SH3TC1: variants seen among roughly 807,000 people sequenced by gnomAD.
The protein encoded by SH3TC1 is SH3 domain and tetratricopeptide repeat-containing protein 1.
A neutral mutation model predicts 117.3 loss-of-function variants in SH3TC1; 135 were observed. That is an observed-to-expected ratio of 1.15 (90% CI 1.00 to 1.33). SH3TC1 has a LOEUF of 1.33. Among genes scored for constraint, SH3TC1 ranks in the 40% most tolerant of loss-of-function variants. The probability of loss-of-function intolerance (pLI) is 0.00; values close to 1 mark genes in which losing one functional copy is unlikely to be tolerated. For synonymous variants in SH3TC1, 898 were observed against 816.9 expected (o/e 1.10, Z -1.69); for missense variants, 2,092 against 1,794.3 (o/e 1.17, Z -3.00).
At chr4:8,184,337 C>T (rs1051718577) in intron 1 of SH3TC1, among the ~76,000 whole-genome samples, 9 of 152,196 alleles carry the variant, frequency 5.9e-5, no homozygotes, top group African/African-American at 1.4e-4. Context: ...TCTACATGTA[C>T]GGAAGTATCA....
intron 9 of SH3TC1, among the ~76,000 whole-genome samples, chr4:8,222,598 C>T (rs1419603093): frequency 6.6e-6 from 1 of 151,478 alleles, no homozygotes; most frequent in Non-Finnish European, 1.5e-5. Context: ...GGTCTTGAAC[C>T]CTTGACCTCA....
At position 8,227,591 on chromosome 4, in the gene SH3TC1, G is replaced by C. The variant is rs1355690091; in HGVS notation, c.1897G>C (p.Gly633Arg). The C allele has an allele frequency of 6.6e-7, 1 of 1,520,674 alleles. No individual in the cohort carries two copies. The highest frequency in any genetic ancestry group is 8.8e-7 in the Non-Finnish European group (1 of 1,137,008). The allele number at this position is 1,520,674 out of a possible 1,614,324, so 94.2% of individuals were successfully genotyped here. A position where few individuals can be genotyped will look rare whatever the true frequency, so the allele number is the denominator to read the frequency against. Residue 633 changes from glycine (G) to arginine (R), a missense_variant, in exon 12 of 18, where the codon GGG becomes CGG. Physicochemically the swap from Gly to Arg is moderately radical, Grantham distance 125. Transcript: ENST00000245105. Reference sequence around the variant, plus strand: ...GCCCAAAGCCATGGCCCTGCTCCTGGGGACGCCTGACCACATCTGCAGCAC... The same window carrying C: ...GCCCAAAGCCATGGCCCTGCTCCTGCGGACGCCTGACCACATCTGCAGCAC... The part of the protein sequence containing the change: ...VVPKAMALLL[G>R]TPDHICSTEA...
Position 8,227,020 on chromosome 4 carries a change from C to T in SH3TC1, c.1326C>T (p.Thr442=), listed in dbSNP as rs779023073. 15 of 1,572,068 alleles carry T rather than the reference C, an allele frequency of 9.5e-6. No individual in the cohort carries two copies. The South Asian group carries it at 1.5e-4, about 16-fold the overall frequency. ...PPCLSLEPQE[T]LQKVKNVLEQ... is the part of the protein sequence containing the mutation. Reference sequence around the variant, plus strand: ...GCCTGAGCCTGGAGCCACAGGAGACCTTGCAGAAGGTGAAGAATGTTCTGG... The same window carrying T: ...GCCTGAGCCTGGAGCCACAGGAGACTTTGCAGAAGGTGAAGAATGTTCTGG... The change falls in exon 12 of 18, where the codon ACC becomes ACT. Residue 442 remains threonine, a synonymous_variant. Transcript: ENST00000245105.
In SH3TC1 at chr4:8,186,943, CAAAAAA is replaced by C. The variant is rs542632113; in HGVS notation, c.-57+4746_-57+4751del. On this transcript the variant is annotated intron_variant, in intron 1 of 16. Transcript: ENST00000508641. The surrounding 1 kb of genome is among the most constrained non-coding windows in gnomAD (Gnocchi z 5.2). ...TGGGTGACAGGGCAAGACTACGTCT[CAAAAAA>C]AAAAAAAAAAAAGGACATGCTCCTG... 1.1e-5 allele frequency among the ~76,000 whole-genome samples: 1 copy of C among 88,234 alleles called. No individual in the cohort carries two copies. 57.9% of individuals were successfully genotyped at this position (88,234 alleles called of 152,430 possible).
chr4:8,193,646 A>G (rs1292713841), intron 1 of SH3TC1, among the ~76,000 whole-genome samples: 1 of 152,112 alleles, frequency 6.6e-6, no homozygotes, highest in Non-Finnish European at 1.5e-5. Context: ...CTTGTCTGTA[A>G]GCTCCTCCTG....
intron 1 of SH3TC1, among the ~76,000 whole-genome samples, chr4:8,191,182 T>C (rs1259614638): frequency 1.3e-5 from 2 of 152,232 alleles, no homozygotes; most frequent in Non-Finnish European, 2.9e-5. Context: ...CTCAGGCACC[T>C]GGTCAGCAGG....
intron 1 of SH3TC1, among the ~76,000 whole-genome samples, chr4:8,200,917 G>A (rs774202078): frequency 3.9e-5 from 6 of 152,170 alleles, no homozygotes; most frequent in South Asian, 2.1e-4. Context: ...AGGACACCAC[G>A]CACTGGATTT....
intron 1 of SH3TC1, among the ~76,000 whole-genome samples, chr4:8,185,619 C>T (rs750818389): frequency 6.6e-6 from 1 of 152,214 alleles, no homozygotes; most frequent in Non-Finnish European, 1.5e-5. Context: ...CTGCTTAATA[C>T]GTCTCAGGGA....
At position 8,192,495 on chromosome 4, in the gene SH3TC1, T is replaced by TATTTTATTTTATTTTATTTC. The variant is rs1554130840; in HGVS notation, c.-57+10289_-57+10290insTATTTTATTTTATTTCATTT. Reference sequence around the variant, plus strand: ...TATTTTATTTTATTTTATTTTATTTTATTTCATTTTATTTTTGAGATGGAG... The same window carrying TATTTTATTTTATTTTATTTC: ...TATTTTATTTTATTTTATTTTATTTTATTTTATTTTATTTTATTTCATTTCATTTTATTTTTGAGATGGAG... On this transcript the variant is annotated intron_variant, in intron 1 of 16. Coordinates refer to the SH3TC1 transcript ENST00000508641. The surrounding 1 kb of genome is among the most constrained non-coding windows in gnomAD (Gnocchi z 4.1). Among the ~76,000 whole-genome samples, 3 of 133,482 alleles carry TATTTTATTTTATTTTATTTC rather than the reference T, an allele frequency of 2.2e-5. No individual in the cohort carries two copies. The highest frequency in any genetic ancestry group is 8.3e-5 in the African/African-American group (3 of 35,932). 87.6% of individuals were successfully genotyped at this position (133,482 alleles called of 152,430 possible).
chr4:8,198,301 C>T (rs539403383), upstream of SH3TC1, among the ~76,000 whole-genome samples: 80 of 152,268 alleles, frequency 5.3e-4, 1 homozygote, highest in Admixed American at 4.4e-3. Flanking sequence ...AACTATTTGA[C>T]TTAGGGATTA....
chr4:8,232,721 G>A (rs1432510480), intron 13 of SH3TC1: 1 of 1,290,058 alleles, frequency 7.8e-7, no homozygotes, highest in Admixed American at 2.3e-5. Flanking sequence ...CAGTGACATT[G>A]CTGCACTCAC....
rs543184993 is a variant in SH3TC1 at position 8,212,558 on chromosome 4, C to T, written c.248-143C>T. ...GTGGGGCAAGGTTGAGATCTAAACC[C>T]GGGGCTTGGGCTCCCCAGGAGCTCA... On this transcript the variant is annotated intron_variant, in intron 3 of 17. Transcript: ENST00000245105. 5.3e-4 allele frequency: 608 copies of T among 1,142,728 alleles called. 2 individuals carry two copies. The African/African-American group carries it at 6.8e-3, about 13-fold the overall frequency. 70.8% of individuals were successfully genotyped at this position (1,142,728 alleles called of 1,614,324 possible). A position where few individuals can be genotyped will look rare whatever the true frequency, so the allele number is the denominator to read the frequency against.
intron 1 of SH3TC1, among the ~76,000 whole-genome samples, chr4:8,185,022 T>C (rs1188810478): frequency 6.6e-6 from 1 of 152,028 alleles, no homozygotes; most frequent in Non-Finnish European, 1.5e-5. Context: ...TTTGTTCTTT[T>C]TTTTTTTTTT....
chr4:8,183,099 G>C lies in SH3TC1; in HGVS notation c.-57+889G>C, dbSNP rs1717122108. The stretch of plus-strand genomic sequence containing the variant: ...CCCTGGCAAGGGGTGGGGCCTCTGT[G>C]AGCCTCAGTTTCTCAGCATGCCATC... On this transcript the variant is annotated intron_variant, in intron 1 of 16. Coordinates refer to the SH3TC1 transcript ENST00000508641. This position sits in a 1 kb window ranked among gnomAD's most constrained non-coding sequence, Gnocchi z 5.4. 6.6e-6 allele frequency among the ~76,000 whole-genome samples: 1 copy of C among 152,166 alleles called. No individual in the cohort carries two copies. The highest frequency in any genetic ancestry group is 1.5e-5 in the Non-Finnish European group (1 of 68,012).
chr4:8,217,482 A>C (rs983341035), intron 7 of SH3TC1, among the ~76,000 whole-genome samples: 4 of 152,236 alleles, frequency 2.6e-5, no homozygotes, highest in Non-Finnish European at 5.9e-5. Context: ...GCTACATAAA[A>C]CATGCGTATC....
chr4:8,184,147 T>C (rs1360983075), intron 1 of SH3TC1, among the ~76,000 whole-genome samples: 3 of 152,224 alleles, frequency 2.0e-5, no homozygotes, highest in African/African-American at 7.2e-5. Context: ...TATGCCTAGA[T>C]GCAATATCTG....
In SH3TC1 at chr4:8,205,817, A is replaced by G. The variant is rs1180932076; in HGVS notation, c.172+451A>G. On this transcript the variant is annotated intron_variant, in intron 2 of 17. Transcript: ENST00000245105. The surrounding 1 kb of genome is among the most constrained non-coding windows in gnomAD (Gnocchi z 5.4). ...AGGGGCCGGGCCAGGACGTGTGCCC[A>G]GTTTCCTGAATTCCCGGGAGACCTG... 4 of 598,352 alleles carry G rather than the reference A, an allele frequency of 6.7e-6. No individual in the cohort carries two copies. Among genetic ancestry groups the G allele is most frequent in the South Asian group, 6.0e-5 (3 of 49,892 alleles). 37.1% of individuals were successfully genotyped at this position (598,352 alleles called of 1,614,324 possible). A position where few individuals can be genotyped will look rare whatever the true frequency, so the allele number is the denominator to read the frequency against.
intron 8 of SH3TC1, 55 bp downstream of exon 8, chr4:8,218,402 G>C (rs1719533489): frequency 2.9e-6 from 4 of 1,363,742 alleles, no homozygotes; most frequent in African/African-American, 1.4e-5. Context: ...CTAGGGAGCA[G>C]CACCAACATT....
chr4:8,220,199 C>T (rs1000523138), intron 9 of SH3TC1, among the ~76,000 whole-genome samples: 2 of 152,202 alleles, frequency 1.3e-5, no homozygotes, highest in East Asian at 3.9e-4. Context: ...CCAGTACACA[C>T]GTCGCTCTCC....
Sources: allele counts gnomAD v4.1 joint callset (sites outside exome capture counted in the v4.1 genomes callset), GRCh38; gene constraint gnomAD v4.1.1; non-coding constraint Gnocchi (gnomAD v3.1); transcripts MANE v1.5; gene names NCBI Gene and HGNC (gene_info 2026-07-23, HGNC 2026-07-21).